HSDL2: variants seen among roughly 807,000 people sequenced by gnomAD.
HSDL2 encodes the protein hydroxysteroid dehydrogenase-like protein 2.
HSDL2 carries 27 observed loss-of-function variants against 46.3 expected under a neutral mutation model. The ratio of observed to expected loss-of-function variants is 0.58; its 90% CI spans 0.43 to 0.80. The LOEUF (loss-of-function observed/expected upper bound fraction) is 0.80, where lower values mean the gene tolerates loss of function less well. Among genes scored for constraint, HSDL2 ranks in the 30% least tolerant of loss-of-function variants. The pLI is 0.00. For synonymous variants in HSDL2, 153 were observed against 163.6 expected, an observed-to-expected ratio of 0.94 and a Z score of 0.50; for missense variants, 451 against 502.7, an observed-to-expected ratio of 0.90 and a Z score of 0.98.
intron 1 of HSDL2, among the ~76,000 whole-genome samples, chr9:112,387,205 T>A (rs1331562219): frequency 6.6e-6 from 1 of 151,934 alleles, no homozygotes; most frequent in Non-Finnish European, 1.5e-5. Flanking sequence ...ATATAACCTC[T>A]GGGATTTGGT....
chr9:112,387,970 C>G (rs990528327), intron 1 of HSDL2, among the ~76,000 whole-genome samples: 1 of 151,934 alleles, frequency 6.6e-6, no homozygotes, highest in African/African-American at 2.4e-5. Flanking sequence ...ACCAGGCTGG[C>G]CAACATGGTG....
chr9:112,397,949 C>T (rs569956426), intron 1 of HSDL2, among the ~76,000 whole-genome samples: 33 of 152,228 alleles, frequency 2.2e-4, no homozygotes, highest in Admixed American at 5.2e-4. Flanking sequence ...CCGGATAAGC[C>T]GACACCTCTA....
At chr9:112,459,006 C>CA (rs71382433) in intron 9 of HSDL2, among the ~76,000 whole-genome samples, 145,058 of 152,038 alleles carry the variant, frequency 0.95, 69,255 homozygotes, top group African/African-American at 0.98. Flanking sequence ...AAAAAGAAAA[C>CA]AAAAAACAAA....
rs532159440 is a variant in HSDL2, at chr9:112,423,871, G to A, written c.598+4913G>A. 5.3e-3 allele frequency among the ~76,000 whole-genome samples: 804 copies of A among 151,412 alleles called. 11 individuals carry two copies. Among genetic ancestry groups the A allele is most frequent in the African/African-American group, 0.018 (758 of 41,342 alleles). On this transcript the variant is annotated intron_variant, in intron 6 of 10. Transcript: ENST00000398805. ...TGGGATTACAGGCACTCGCCCCCAC[G>A]CCCAGCTAATTTTTATATTTTTAGT...
At chr9:112,470,116 G>C (rs1210298693) in intron 10 of HSDL2, among the ~76,000 whole-genome samples, 2 of 152,310 alleles carry the variant, frequency 1.3e-5, no homozygotes, top group Non-Finnish European at 2.9e-5. Flanking sequence ...AACTAAAATA[G>C]ACAGTATTTG....
intron 8 of HSDL2, among the ~76,000 whole-genome samples, chr9:112,449,717 T>G (rs1030103075): frequency 6.6e-6 from 1 of 151,654 alleles, no homozygotes; most frequent in African/African-American, 2.4e-5. Context: ...TACAAAAAAT[T>G]AGTCGGGTGT....
At position 112,437,710 on chromosome 9, in the gene HSDL2, A is replaced by C. The variant is rs538206681; in HGVS notation, c.599-721A>C. ...GTTTATGTGAAAGGAAATCTTTGGC[A>C]TTAAGACTGTTGGTACTGTCTGTTT... is the stretch of plus-strand genomic sequence containing the variant. On this transcript the variant is annotated intron_variant, in intron 6 of 10. Transcript: ENST00000398805. Among the ~76,000 whole-genome samples, 191 of 152,124 alleles carry C rather than the reference A, an allele frequency of 1.3e-3. 1 individual carries two copies. Among genetic ancestry groups the C allele is most frequent in the African/African-American group, 4.3e-3 (178 of 41,380 alleles).
At chr9:112,422,081 A>G (rs998297274) in intron 6 of HSDL2, among the ~76,000 whole-genome samples, 2 of 152,196 alleles carry the variant, frequency 1.3e-5, no homozygotes, top group African/African-American at 4.8e-5. Context: ...GGAAGTGAGG[A>G]GACCTCAGAG....
At chr9:112,392,049 A>C (rs1831357706) in intron 1 of HSDL2, among the ~76,000 whole-genome samples, 1 of 152,278 alleles carries the variant, frequency 6.6e-6, no homozygotes, top group African/African-American at 2.4e-5. Flanking sequence ...AAAGAGAGGA[A>C]TTTTACAGCT....
At chr9:112,405,089 A>T (rs2065225) in intron 2 of HSDL2, among the ~76,000 whole-genome samples, 72,658 of 152,124 alleles carry the variant, frequency 0.48, 17,746 homozygotes, top group Admixed American at 0.55. Flanking sequence ...AGGTGGCTCA[A>T]GCCTGTAATC....
intron 7 of HSDL2, 32 bp downstream of exon 7, chr9:112,438,657 T>C (rs775246671): frequency 7.7e-7 from 1 of 1,301,986 alleles, no homozygotes; most frequent in Non-Finnish European, 1.1e-6. Flanking sequence ...AAAGTAGTGA[T>C]ACGTTTTTCC....
chr9:112,399,879 T>G (rs1031560421), intron 1 of HSDL2, among the ~76,000 whole-genome samples: 1 of 152,220 alleles, frequency 6.6e-6, no homozygotes, highest in Non-Finnish European at 1.5e-5. Flanking sequence ...ACACATGTTT[T>G]ACAATCAGTT....
chr9:112,421,310 A>C (rs1832117391), intron 6 of HSDL2, among the ~76,000 whole-genome samples: 1 of 152,154 alleles, frequency 6.6e-6, no homozygotes. Context: ...CTTTTGAGAC[A>C]GGACAGAGTG....
chr9:112,392,964 T>C lies in HSDL2; in HGVS notation c.18-11031T>C, dbSNP rs114251896. 5.3e-3 allele frequency among the ~76,000 whole-genome samples: 804 copies of C among 152,334 alleles called. 10 individuals are homozygous for C. The highest frequency in any genetic ancestry group is 0.018 in the African/African-American group (756 of 41,572). Reference sequence around the variant, plus strand: ...GCCATGGTTCCAACTGTTCCCTCCATTGGGGGGTCCCAGACTTCCTGTAAC... The same window carrying C: ...GCCATGGTTCCAACTGTTCCCTCCACTGGGGGGTCCCAGACTTCCTGTAAC... On this transcript the variant is annotated intron_variant, in intron 1 of 10. Coordinates refer to ENST00000398805, the MANE Select transcript of HSDL2 (RefSeq NM_032303.5).
chr9:112,467,793 C>G (rs1833437668), intron 10 of HSDL2, among the ~76,000 whole-genome samples: 1 of 152,172 alleles, frequency 6.6e-6, no homozygotes, highest in African/African-American at 2.4e-5. Flanking sequence ...TGTCAGTCCA[C>G]TTTTTCCCCG....
At chr9:112,464,653 T>A (rs918792230) in intron 10 of HSDL2, among the ~76,000 whole-genome samples, 1 of 152,256 alleles carries the variant, frequency 6.6e-6, no homozygotes, top group Non-Finnish European at 1.5e-5. Context: ...AATTAGTAAT[T>A]CAATTTCTAG....
intron 5 of HSDL2, 77 bp downstream of exon 5, chr9:112,417,021 A>C: frequency 1.7e-6 from 1 of 604,842 alleles, no homozygotes; most frequent in Admixed American, 3.0e-5. Flanking sequence ...TGTCTGATGT[A>C]ATCACAATCT....
intron 4 of HSDL2, among the ~76,000 whole-genome samples, chr9:112,416,634 TG>T (rs1832002359): frequency 6.5e-5 from 3 of 46,326 alleles, no homozygotes; most frequent in African/African-American, 2.7e-4. Flanking sequence ...ATGGTGGTGC[TG>T]CACACCTGTA....
In HSDL2 at chr9:112,459,514, C is replaced by G. The variant is rs1378242893; in HGVS notation, c.1081C>G (p.Pro361Ala). The change falls in exon 10 of 11, where the codon CCT becomes GCT. Residue 361 changes from proline to alanine, a missense_variant. Transcript: ENST00000398805. The part of the protein sequence containing the change: ...SKGGNVGYGE[P>A]SDQADVVMSM... ...GGGTGGGAATGTCGGATATGGAGAG[C>G]CTTCTGATCAGGCAGATGTGGTGAT... 1.9e-6 allele frequency: 3 copies of G among 1,613,490 alleles called. No individual in the cohort carries two copies. Among genetic ancestry groups the G allele is most frequent in the African/African-American group, 1.3e-5 (1 of 74,908 alleles).
Sources: allele counts gnomAD v4.1 joint callset (sites outside exome capture counted in the v4.1 genomes callset), GRCh38; gene constraint gnomAD v4.1.1; transcripts MANE v1.5; gene names NCBI Gene and HGNC (gene_info 2026-07-23, HGNC 2026-07-21).